MRPS27: variants seen among roughly 807,000 people sequenced by gnomAD.
The protein encoded by MRPS27 is small ribosomal subunit protein mS27.
Under a neutral mutation model 48.9 loss-of-function variants are expected in MRPS27, and 43 were observed. The ratio of observed to expected loss-of-function variants is 0.88; its 90% CI spans 0.69 to 1.13. The LOEUF (loss-of-function observed/expected upper bound fraction) is 1.13, where lower values mean the gene tolerates loss of function less well. Among genes scored for constraint, MRPS27 ranks in the 50% most tolerant of loss-of-function variants. The probability of loss-of-function intolerance (pLI) is 0.00; values close to 1 mark genes in which losing one functional copy is unlikely to be tolerated. For synonymous variants in MRPS27, 188 were observed against 171.9 expected, an observed-to-expected ratio of 1.09 and a Z score of -0.73; for missense variants, 467 against 476.3, an observed-to-expected ratio of 0.98 and a Z score of 0.18.
rs557894611 is a variant in MRPS27, at chr5:72,310,916, GCA to G, written c.151+3163_151+3164del. On this transcript the variant is annotated intron_variant, in intron 2 of 10. Transcript: ENST00000261413. ...GTCCACATGTGATACCCTGGCAGGGGCACAACATCACTGAGAGTATTCTGGCT... is the reference window on the plus strand; with the variant it reads ...GTCCACATGTGATACCCTGGCAGGGGCAACATCACTGAGAGTATTCTGGCT... 2.6e-5 allele frequency among the ~76,000 whole-genome samples: 4 copies of G among 152,302 alleles called. 1 individual carries two copies. The South Asian group carries it at 8.3e-4, about 32-fold the overall frequency.
chr5:72,289,402 G>C (rs919535109), intron 4 of MRPS27, among the ~76,000 whole-genome samples: 3 of 151,914 alleles, frequency 2.0e-5, no homozygotes, highest in African/African-American at 7.3e-5. Flanking sequence ...AAACTAAAAG[G>C]CTGCTTTAAA....
chr5:72,231,799 G>A (rs886725426), intron 7 of MRPS27, among the ~76,000 whole-genome samples: 3 of 152,066 alleles, frequency 2.0e-5, no homozygotes, highest in African/African-American at 4.8e-5. Flanking sequence ...AGGTGGCTTC[G>A]TTACCTACTA....
intron 4 of MRPS27, among the ~76,000 whole-genome samples, chr5:72,286,478 C>G (rs572136376): frequency 6.6e-6 from 1 of 152,104 alleles, no homozygotes; most frequent in African/African-American, 2.4e-5. Context: ...GGTACAAAGG[C>G]AATTTAAAAA....
At chr5:72,223,618 C>T in intron 10 of MRPS27, 65 bp downstream of exon 10, 1 of 1,543,460 alleles carries the variant, frequency 6.5e-7, no homozygotes, top group East Asian at 2.3e-5. Flanking sequence ...AATGCTTATC[C>T]ATCACCACAG....
chr5:72,244,824 T>C (rs1748466080), intron 4 of MRPS27, among the ~76,000 whole-genome samples: 1 of 152,120 alleles, frequency 6.6e-6, no homozygotes, highest in African/African-American at 2.4e-5. Context: ...CATCTCTCCC[T>C]TTCTGATACA....
At chr5:72,274,687 G>T (rs1455586938) in intron 4 of MRPS27, among the ~76,000 whole-genome samples, 2 of 152,072 alleles carry the variant, frequency 1.3e-5, no homozygotes, top group African/African-American at 4.8e-5. Context: ...GTACGTAATT[G>T]TTTGTGCTAT....
At chr5:72,277,907 G>A (rs1471566567) in intron 4 of MRPS27, among the ~76,000 whole-genome samples, 8 of 152,108 alleles carry the variant, frequency 5.3e-5, no homozygotes, top group African/African-American at 1.9e-4. Context: ...GACACAGGGA[G>A]GGGAATAACA....
intron 4 of MRPS27, among the ~76,000 whole-genome samples, chr5:72,249,421 C>T (rs957561863): frequency 3.9e-5 from 6 of 152,230 alleles, no homozygotes; most frequent in African/African-American, 1.2e-4. Flanking sequence ...TGGTGGCTCA[C>T]GCCTGTAATC....
chr5:72,257,187 C>T (rs1238022403), intron 4 of MRPS27, among the ~76,000 whole-genome samples: 2 of 151,998 alleles, frequency 1.3e-5, no homozygotes, highest in Admixed American at 6.6e-5. Context: ...CATGCCAGTC[C>T]TATTACAAAT....
Position 72,237,993 on chromosome 5 carries a change from C to G in MRPS27, c.396+21G>C, listed in dbSNP as rs201502786. 46 of 1,548,016 alleles carry G rather than the reference C, an allele frequency of 3.0e-5. No individual in the cohort carries two copies. In the African/African-American group the frequency reaches 5.3e-4, roughly 18 times the overall value. On this transcript the variant is annotated intron_variant, in intron 5 of 10. Coordinates refer to ENST00000261413, the MANE Select transcript of MRPS27 (RefSeq NM_015084.3). ...CACCTAAACTCAGGAAAACAGGCTG[C>G]AGATCCACGGAACAACTCACCTTAT...
intron 9 of MRPS27, among the ~76,000 whole-genome samples, chr5:72,225,536 A>G (rs1420341821): frequency 2.0e-5 from 3 of 152,192 alleles, no homozygotes; most frequent in Non-Finnish European, 4.4e-5. Flanking sequence ...GTGGGAGAGT[A>G]GTGTTCTCGT....
At chr5:72,258,477 C>T (rs915800213) in intron 4 of MRPS27, among the ~76,000 whole-genome samples, 3 of 152,102 alleles carry the variant, frequency 2.0e-5, no homozygotes, top group South Asian at 4.1e-4. Context: ...CTCTCCAAAA[C>T]TCAAGTTGAA....
rs1217689427 is a variant in MRPS27, at chr5:72,320,175, A to ACTTGCCGCGCCAGGAG, written c.31_46dup (p.Val16AlafsTer16). The ACTTGCCGCGCCAGGAG allele has an allele frequency of 1.2e-6, 2 of 1,613,814 alleles. No homozygotes were observed. Among genetic ancestry groups the ACTTGCCGCGCCAGGAG allele is most frequent in the Non-Finnish European group, 1.7e-6 (2 of 1,179,856 alleles). On this transcript the variant is annotated frameshift_variant, in exon 1 of 11. Coordinates refer to ENST00000261413, the MANE Select transcript of MRPS27 (RefSeq NM_015084.3). LOFTEE classifies it high-confidence loss of function. ...TGCAGGAGAGAGCTGAGGAAGAACC[A>ACTTGCCGCGCCAGGAG]CTTGCCGCGCCAGGAGCATCCCGCG... is the stretch of plus-strand genomic sequence containing the variant.
intron 4 of MRPS27, among the ~76,000 whole-genome samples, chr5:72,293,218 T>TC (rs1369685434): frequency 6.6e-6 from 1 of 152,030 alleles, no homozygotes; most frequent in African/African-American, 2.4e-5. Flanking sequence ...TCTCCACTGT[T>TC]CCGACGCAGC....
In MRPS27 at chr5:72,266,676, G is replaced by T. The variant is rs558347231; in HGVS notation, c.282-28548C>A. Among the ~76,000 whole-genome samples the T allele has an allele frequency of 2.0e-5, 3 of 152,236 alleles. No homozygotes were observed. In the South Asian group the frequency reaches 6.2e-4, roughly 32 times the overall value. ...AGATCCAGACCATCCTGGTTAACATGGTGAAACCCCGTCTCTACTAAAAAT... is the reference window on the plus strand; with the variant it reads ...AGATCCAGACCATCCTGGTTAACATTGTGAAACCCCGTCTCTACTAAAAAT... On this transcript the variant is annotated intron_variant, in intron 4 of 10. Coordinates refer to ENST00000261413, the MANE Select transcript of MRPS27 (RefSeq NM_015084.3).
chr5:72,309,290 G>GA (rs1195241129), intron 2 of MRPS27, among the ~76,000 whole-genome samples: 1 of 151,522 alleles, frequency 6.6e-6, no homozygotes, highest in African/African-American at 2.4e-5. Context: ...TTTTGAGACA[G>GA]AGTCAGCTCT....
chr5:72,298,712 C>CAAAAAAAAA (rs1259668404), intron 2 of MRPS27, among the ~76,000 whole-genome samples: 2 of 30,582 alleles, frequency 6.5e-5, no homozygotes, highest in African/African-American at 1.6e-4. Flanking sequence ...GACTCCGTCT[C>CAAAAAAAAA]AAAAAAAAAA....
At chr5:72,290,304 A>T (rs1292561365) in intron 4 of MRPS27, among the ~76,000 whole-genome samples, 1 of 152,094 alleles carries the variant, frequency 6.6e-6, no homozygotes. Flanking sequence ...CTCTACATAC[A>T]CTCACCATAA....
At chr5:72,301,071 A>G (rs1214988151) in intron 2 of MRPS27, among the ~76,000 whole-genome samples, 1 of 152,248 alleles carries the variant, frequency 6.6e-6, no homozygotes. Context: ...ATCAAGTAAT[A>G]AGGACACACC....
Sources: gnomAD v4.1 joint callset for allele counts (sites outside exome capture counted in the v4.1 genomes callset) on GRCh38, gnomAD v4.1.1 for gene constraint, MANE v1.5 for transcripts, NCBI Gene and HGNC (gene_info 2026-07-23, HGNC 2026-07-21) for gene names.